The following OR14L1 variants were observed in gnomAD, a reference collection of about 807,000 sequenced individuals.
The protein encoded by OR14L1 is olfactory receptor family 14 subfamily L member 1.
At chr1:247,617,924 AT>A in the OR14L1 span, among the ~76,000 whole-genome samples, 1 of 152,180 alleles carries the variant, frequency 6.6e-6, no homozygotes, top group East Asian at 1.9e-4. Flanking sequence ...AGTCCTTGAT[AT>A]TTCTCTTCCT....
chr1:247,619,511 T>G, the OR14L1 span: 2 of 152,190 alleles, frequency 1.3e-5, no homozygotes, highest in African/African-American at 4.8e-5. Flanking sequence ...GTTAGAACGA[T>G]AGTATCCATG....
the OR14L1 span, among the ~76,000 whole-genome samples, chr1:247,617,694 G>T: frequency 3.5e-5 from 1 of 28,316 alleles, no homozygotes; most frequent in Non-Finnish European, 6.8e-5. Context: ...GTGGTGAAAG[G>T]TGTGTGTGTG....
the OR14L1 span, chr1:247,620,766 G>T: frequency 3.9e-5 from 6 of 152,062 alleles, no homozygotes; most frequent in Non-Finnish European, 4.4e-5. Context: ...GCACTAAAAG[G>T]TACTTCGGGG....
the OR14L1 span, chr1:247,620,249 C>A: frequency 1.3e-5 from 2 of 152,240 alleles, no homozygotes; most frequent in East Asian, 3.9e-4. Context: ...GTTTTTGGTA[C>A]AAGTCTTGTG....
chr1:247,617,693 G>GGTGTGTGT, the OR14L1 span, among the ~76,000 whole-genome samples: 2,238 of 143,966 alleles, frequency 0.016, 67 homozygotes, highest in African/African-American at 0.054. Flanking sequence ...AGTGGTGAAA[G>GGTGTGTGT]GTGTGTGTGT....
At chr1:247,618,156 T>G in the OR14L1 span, among the ~76,000 whole-genome samples, 5 of 152,170 alleles carry the variant, frequency 3.3e-5, no homozygotes, top group African/African-American at 1.2e-4. Context: ...GAAACACATT[T>G]TCCAGTAGAG....
the OR14L1 span, among the ~76,000 whole-genome samples, chr1:247,618,858 C>A: frequency 1.3e-5 from 2 of 152,136 alleles, no homozygotes; most frequent in African/African-American, 4.8e-5. Context: ...CTCTGCAACT[C>A]TTCTATAACA....
At chr1:247,620,723 C>T in the OR14L1 span, 1 of 152,176 alleles carries the variant, frequency 6.6e-6, no homozygotes, top group Admixed American at 6.5e-5. Flanking sequence ...GTTTACCATA[C>T]TAACCATATT....
At chr1:247,621,393 G>A in the OR14L1 span, 1 of 151,976 alleles carries the variant, frequency 6.6e-6, no homozygotes, top group African/African-American at 2.4e-5. Context: ...CCTTTTTAAA[G>A]TCCTTTAAAT....
the OR14L1 span, among the ~76,000 whole-genome samples, chr1:247,617,884 C>T: frequency 2.6e-5 from 4 of 152,058 alleles, no homozygotes; most frequent in African/African-American, 9.7e-5. Flanking sequence ...AATTCCAATG[C>T]CTGTCAATGC....
chr1:247,619,245 T>C, the OR14L1 span, among the ~76,000 whole-genome samples: 106,006 of 152,100 alleles, frequency 0.7, 37,140 homozygotes, highest in East Asian at 0.79. Flanking sequence ...TAACACATAA[T>C]GAGCAAATAA....
the OR14L1 span, among the ~76,000 whole-genome samples, chr1:247,617,828 CAT>C: frequency 3.4e-5 from 4 of 118,508 alleles, no homozygotes; most frequent in East Asian, 2.6e-4. Flanking sequence ...CACATTTAAA[CAT>C]GTTTGCATTG....
the OR14L1 span, chr1:247,617,476 A>G: frequency 6.6e-6 from 1 of 152,348 alleles, no homozygotes; most frequent in Non-Finnish European, 1.5e-5. Flanking sequence ...GATTGCACTG[A>G]TATATTTCCA....
the OR14L1 span, among the ~76,000 whole-genome samples, chr1:247,617,605 A>G: frequency 6.6e-6 from 1 of 152,140 alleles, no homozygotes; most frequent in African/African-American, 2.4e-5. Context: ...CATCCATGAA[A>G]GCAGGTAAAA....
At chr1:247,620,867 C>T in the OR14L1 span, 1 of 151,978 alleles carries the variant, frequency 6.6e-6, no homozygotes, top group Non-Finnish European at 1.5e-5. Context: ...AGTAATACAA[C>T]ATATTAATTA....
At chr1:247,617,375 C>T in the OR14L1 span, 1 of 152,008 alleles carries the variant, frequency 6.6e-6, no homozygotes, top group Non-Finnish European at 1.5e-5. Flanking sequence ...TGGCCCAGTT[C>T]AACAAAAATC....
the OR14L1 span, chr1:247,619,757 T>A: frequency 2.0e-5 from 3 of 152,328 alleles, no homozygotes; most frequent in Admixed American, 2.0e-4. Context: ...GCAGCTGTCA[T>A]AGGAAATCTC....
chr1:247,619,070 G>A, the OR14L1 span, among the ~76,000 whole-genome samples: 1 of 152,088 alleles, frequency 6.6e-6, no homozygotes, highest in Non-Finnish European at 1.5e-5. Flanking sequence ...TTTTACGTGA[G>A]GTGTTTACCA....
chr1:247,621,060 G>A, the OR14L1 span: 4 of 152,092 alleles, frequency 2.6e-5, no homozygotes, highest in African/African-American at 9.7e-5. Flanking sequence ...AGTGTTCTGG[G>A]AGCATATCTA....
Sources: gnomAD v4.1 joint callset for allele counts (sites outside exome capture counted in the v4.1 genomes callset) on GRCh38, gnomAD v4.1.1 for gene constraint, MANE v1.5 for transcripts, NCBI Gene and HGNC (gene_info 2026-07-23, HGNC 2026-07-21) for gene names.